Variants in PARP11 observed in about 807,000 individuals in gnomAD.
PARP11 encodes the protein protein mono-ADP-ribosyltransferase PARP11.
In PARP11, 31 loss-of-function variants were observed where a neutral mutation model predicts 42.9. The observed-to-expected ratio is 0.72, with a 90% CI of 0.54 to 0.98. PARP11 has a LOEUF of 0.98. PARP11 is among the 50% of genes least tolerant of loss of function. The pLI is 0.00. For synonymous variants in PARP11, 137 were observed against 127.3 expected (o/e 1.08, Z -0.51); for missense variants, 365 against 413.1 (o/e 0.88, Z 1.01).
chr12:3,856,120 T>C (rs1161554315), intron 1 of PARP11, among the ~76,000 whole-genome samples: 1 of 152,112 alleles, frequency 6.6e-6, no homozygotes, highest in Non-Finnish European at 1.5e-5. Flanking sequence ...TAAAAATTAA[T>C]TTTCAAGATG....
At chr12:3,814,810 A>G (rs1405726449) in intron 6 of PARP11, among the ~76,000 whole-genome samples, 1 of 152,230 alleles carries the variant, frequency 6.6e-6, no homozygotes, top group Non-Finnish European at 1.5e-5. Flanking sequence ...ATGTATTTAC[A>G]TATAAAAGTT....
chr12:3,811,022 C>A lies in PARP11; in HGVS notation c.*1101G>T, dbSNP rs1228961922. 6.6e-6 allele frequency: 1 copy of A among 152,126 alleles called. No individual in the cohort carries two copies. Among genetic ancestry groups the A allele is most frequent in the African/African-American group, 2.4e-5 (1 of 41,408 alleles). The allele number at this position is 152,126 out of a possible 1,614,324, so 9.4% of individuals were successfully genotyped here. A position where few individuals can be genotyped will look rare whatever the true frequency, so the allele number is the denominator to read the frequency against. The stretch of plus-strand genomic sequence containing the variant: ...GTTCCAACACTTCTCATCTTCCTTA[C>A]AATGAAACAGCAAAACAGATGGAAC... On this transcript the variant is annotated 3_prime_UTR_variant, in exon 8 of 8. Coordinates refer to ENST00000228820, the MANE Select transcript of PARP11 (RefSeq NM_020367.6).
intron 1 of PARP11, among the ~76,000 whole-genome samples, chr12:3,864,840 C>T (rs1467443699): frequency 1.3e-5 from 2 of 152,060 alleles, no homozygotes; most frequent in Non-Finnish European, 2.9e-5. Context: ...TCTTGATGTT[C>T]TCAAAGAACT....
rs528929565 is a variant in PARP11, at chr12:3,839,682, T to C, written c.19-9664A>G. 20 of 988,900 alleles carry C rather than the reference T, an allele frequency of 2.0e-5. 1 individual carries two copies. In the South Asian group the frequency reaches 2.2e-4, roughly 11 times the overall value. 61.3% of individuals were successfully genotyped at this position (988,900 alleles called of 1,614,324 possible). A position where few individuals can be genotyped will look rare whatever the true frequency, so the allele number is the denominator to read the frequency against. ...CTAATCTGGAACCTAATGTTTCTCC[T>C]TCACAAGTAACTGAAAATAATTTTC... On this transcript the variant is annotated intron_variant, in intron 1 of 7. Transcript: ENST00000228820.
intron 1 of PARP11, among the ~76,000 whole-genome samples, chr12:3,836,054 C>T (rs1294143469): frequency 6.6e-6 from 1 of 151,784 alleles, no homozygotes; most frequent in Non-Finnish European, 1.5e-5. Flanking sequence ...TATACACACA[C>T]TCACACACAT....
At chr12:3,812,866 G>A (rs1446027790) in intron 7 of PARP11, among the ~76,000 whole-genome samples, 2 of 152,094 alleles carry the variant, frequency 1.3e-5, no homozygotes, top group African/African-American at 4.8e-5. Flanking sequence ...GCAGTGGCGC[G>A]ATCTCAGCTC....
At chr12:3,833,545 A>G (rs1195160292) in intron 1 of PARP11, among the ~76,000 whole-genome samples, 3 of 152,228 alleles carry the variant, frequency 2.0e-5, no homozygotes, top group Middle Eastern at 6.3e-3. Flanking sequence ...TTGAGGCTGC[A>G]GTGAGCTAAC....
At chr12:3,865,935 A>G (rs1354608002) in intron 1 of PARP11, among the ~76,000 whole-genome samples, 1 of 120,614 alleles carries the variant, frequency 8.3e-6, no homozygotes. Flanking sequence ...TTTTTTTTCT[A>G]TCTTCTTTCA....
At chr12:3,839,788 A>G in intron 1 of PARP11, 1 of 1,135,572 alleles carries the variant, frequency 8.8e-7, no homozygotes, top group Non-Finnish European at 1.3e-6. Flanking sequence ...AAGCTCTGCT[A>G]TGTGTCAGTC....
intron 1 of PARP11, among the ~76,000 whole-genome samples, chr12:3,847,363 C>T (rs891688521): frequency 7.2e-5 from 11 of 152,228 alleles, no homozygotes; most frequent in Admixed American, 1.3e-4. Context: ...AAGGACACAA[C>T]AAACAAAGAA....
chr12:3,811,968 T>C lies in PARP11; in HGVS notation c.*155A>G, dbSNP rs1378515912. The C allele has an allele frequency of 1.7e-6, 1 of 585,810 alleles. No homozygotes were observed. The highest frequency in any genetic ancestry group is 1.9e-5 in the African/African-American group (1 of 52,902). The allele number at this position is 585,810 out of a possible 1,614,324, so 36.3% of individuals were successfully genotyped here. A position where few individuals can be genotyped will look rare whatever the true frequency, so the allele number is the denominator to read the frequency against. ...AAAACAAAACAACAAAAACCAACCT[T>C]GAAGTCAGTATGTCTTTTTATATGG... On this transcript the variant is annotated 3_prime_UTR_variant, in exon 8 of 8. Coordinates refer to ENST00000228820, the MANE Select transcript of PARP11 (RefSeq NM_020367.6).
At chr12:3,838,798 C>A (rs1947818539) in intron 1 of PARP11, among the ~76,000 whole-genome samples, 1 of 152,290 alleles carries the variant, frequency 6.6e-6, no homozygotes, top group Admixed American at 6.5e-5. Context: ...GGTGGGGAAA[C>A]GAAAGGCCGC....
At chr12:3,871,539 G>T (rs1204796711) in intron 1 of PARP11, among the ~76,000 whole-genome samples, 1 of 152,086 alleles carries the variant, frequency 6.6e-6, no homozygotes, top group Non-Finnish European at 1.5e-5. Context: ...ACTCTATGAC[G>T]TTGGCACAAT....
chr12:3,850,644 G>GT (rs200470341), intron 1 of PARP11, among the ~76,000 whole-genome samples: 3,571 of 152,208 alleles, frequency 0.023, 77 homozygotes, highest in Non-Finnish European at 0.032. Flanking sequence ...GCATTACTGT[G>GT]TTTTTTTCTT....
At chr12:3,813,034 A>C (rs1195563368) in intron 7 of PARP11, among the ~76,000 whole-genome samples, 1 of 152,044 alleles carries the variant, frequency 6.6e-6, no homozygotes, top group Non-Finnish European at 1.5e-5. Context: ...TGAACTCTTG[A>C]CCTCAGGTGA....
At chr12:3,822,337 G>C (rs961432377) in intron 4 of PARP11, among the ~76,000 whole-genome samples, 180 bp from the exon 5 acceptor site, 5 of 151,956 alleles carry the variant, frequency 3.3e-5, no homozygotes. Flanking sequence ...GGTGGCTCAC[G>C]CCTGTAATCC....
chr12:3,824,946 A>G (rs16930833), intron 4 of PARP11, among the ~76,000 whole-genome samples: 3,698 of 152,328 alleles, frequency 0.024, 151 homozygotes, highest in African/African-American at 0.083. Context: ...ACTTGGAATA[A>G]CTTTTATATC....
intron 1 of PARP11, among the ~76,000 whole-genome samples, chr12:3,850,240 A>G (rs1028138825): frequency 5.3e-5 from 8 of 152,140 alleles, no homozygotes; most frequent in African/African-American, 1.9e-4. Context: ...ATGTAAAGTA[A>G]TAATAAAAAT....
intron 1 of PARP11, among the ~76,000 whole-genome samples, chr12:3,843,293 G>T (rs950654781): frequency 1.3e-5 from 2 of 152,200 alleles, no homozygotes; most frequent in Non-Finnish European, 1.5e-5. Flanking sequence ...GTGCCTACTC[G>T]AAAGAAATGT....
Sources: allele counts gnomAD v4.1 joint callset (sites outside exome capture counted in the v4.1 genomes callset), GRCh38; gene constraint gnomAD v4.1.1; transcripts MANE v1.5; gene names NCBI Gene and HGNC (gene_info 2026-07-23, HGNC 2026-07-21).